Variants in RAB38 observed in about 807,000 individuals in gnomAD.
The protein encoded by RAB38 is RAB38, member RAS oncogene family.
Under a neutral mutation model 18.4 loss-of-function variants are expected in RAB38, and 15 were observed. The ratio of observed to expected loss-of-function variants is 0.82; its 90% confidence interval spans 0.55 to 1.26. RAB38 has a LOEUF of 1.26. Ranked by LOEUF, RAB38 falls within the 50% of genes most tolerant of loss-of-function variation. The pLI is 0.00. For synonymous variants in RAB38, 101 were observed against 104.4 expected, an observed-to-expected ratio of 0.97 and a Z score of 0.20; for missense variants, 294 against 267.4, an observed-to-expected ratio of 1.10 and a Z score of -0.69.
the RAB38 span, among the ~76,000 whole-genome samples, chr11:88,094,246 C>T: frequency 6.6e-6 from 1 of 151,936 alleles, no homozygotes; most frequent in Non-Finnish European, 1.5e-5. Context: ...GATAGATACA[C>T]AGCTACTTTC....
chr11:87,875,570 T>G, the RAB38 span, among the ~76,000 whole-genome samples: 3 of 151,472 alleles, frequency 2.0e-5, no homozygotes, highest in Non-Finnish European at 3.0e-5. Context: ...TGGGGATAAT[T>G]TATATCTTTG....
intron 1 of RAB38, among the ~76,000 whole-genome samples, chr11:88,169,801 T>C (rs1943287264): frequency 6.6e-6 from 1 of 152,176 alleles, no homozygotes; most frequent in South Asian, 2.1e-4. Flanking sequence ...ACCATGAGAG[T>C]GTTCTGAAGT....
the RAB38 span, among the ~76,000 whole-genome samples, chr11:88,003,726 T>TAC: frequency 5.1e-4 from 6 of 11,800 alleles, 2 homozygotes; most frequent in African/African-American, 2.9e-3. Flanking sequence ...ATATAATATA[T>TAC]AATATATTGT....
the RAB38 span, among the ~76,000 whole-genome samples, chr11:87,889,500 A>G: frequency 3.3e-5 from 5 of 151,672 alleles, no homozygotes; most frequent in African/African-American, 1.2e-4. Context: ...ATCAATAATA[A>G]TGATAATAAT....
At chr11:88,131,796 C>T (rs1426207238) in intron 2 of RAB38, among the ~76,000 whole-genome samples, 1 of 152,170 alleles carries the variant, frequency 6.6e-6, no homozygotes. Context: ...ATGAATAGGA[C>T]AGCATAGTCA....
intron 2 of RAB38, among the ~76,000 whole-genome samples, chr11:88,124,505 C>CA (rs1942668391): frequency 6.6e-6 from 1 of 152,052 alleles, no homozygotes; most frequent in Non-Finnish European, 1.5e-5. Context: ...TTTATGCAGC[C>CA]AAAAGACACA....
the RAB38 span, among the ~76,000 whole-genome samples, chr11:88,019,978 T>G: frequency 6.6e-6 from 1 of 152,176 alleles, no homozygotes; most frequent in Non-Finnish European, 1.5e-5. Context: ...GACATACACA[T>G]AGACCAGTGC....
At chr11:88,106,831 C>T in the RAB38 span, among the ~76,000 whole-genome samples, 6 of 152,122 alleles carry the variant, frequency 3.9e-5, no homozygotes, top group African/African-American at 1.2e-4. Flanking sequence ...GGAAATTTTC[C>T]GGTTGCTTGG....
At chr11:88,048,698 A>G in the RAB38 span, among the ~76,000 whole-genome samples, 3 of 152,224 alleles carry the variant, frequency 2.0e-5, no homozygotes, top group East Asian at 5.8e-4. Flanking sequence ...CCATACTTCT[A>G]TTCACTGCTC....
At chr11:88,047,202 T>C in the RAB38 span, among the ~76,000 whole-genome samples, 3 of 152,202 alleles carry the variant, frequency 2.0e-5, no homozygotes, top group African/African-American at 7.2e-5. Flanking sequence ...TCACTCTTTG[T>C]TGAGTCTCCC....
the RAB38 span, among the ~76,000 whole-genome samples, chr11:88,039,886 C>T: frequency 6.6e-6 from 1 of 152,166 alleles, no homozygotes; most frequent in Non-Finnish European, 1.5e-5. Context: ...GTAAAGATGT[C>T]TTTGCTGCAT....
At chr11:88,004,488 G>A in the RAB38 span, among the ~76,000 whole-genome samples, 1 of 150,988 alleles carries the variant, frequency 6.6e-6, no homozygotes. Context: ...TATCATAAAG[G>A]ACAACTATGA....
chr11:88,026,510 C>A, the RAB38 span, among the ~76,000 whole-genome samples: 4 of 143,790 alleles, frequency 2.8e-5, no homozygotes, highest in African/African-American at 5.2e-5. Context: ...TTGCAGTGAG[C>A]CAAGATCGCT....
chr11:88,164,635 T>TG (rs1268021892), intron 1 of RAB38, among the ~76,000 whole-genome samples: 1 of 151,622 alleles, frequency 6.6e-6, no homozygotes, highest in Admixed American at 6.6e-5. Context: ...ATGCGTTCTC[T>TG]TTTTTTTTCT....
chr11:87,825,769 T>C, the RAB38 span, among the ~76,000 whole-genome samples: 1 of 152,076 alleles, frequency 6.6e-6, no homozygotes, highest in Admixed American at 6.6e-5. Context: ...GGAGAGATTA[T>C]TGATTGTATA....
intron 1 of RAB38, chr11:88,173,625 G>C: frequency 1.0e-6 from 1 of 985,372 alleles, no homozygotes; most frequent in Non-Finnish European, 1.2e-6. Flanking sequence ...TAAACAGTAA[G>C]CCGTTTCTAA....
chr11:87,888,390 T>C, the RAB38 span, among the ~76,000 whole-genome samples: 1 of 151,978 alleles, frequency 6.6e-6, no homozygotes, highest in East Asian at 1.9e-4. Flanking sequence ...AAGCATGTGA[T>C]AATGAAAAGA....
the RAB38 span, among the ~76,000 whole-genome samples, chr11:87,854,014 C>G: frequency 1.3e-5 from 2 of 152,104 alleles, no homozygotes; most frequent in Admixed American, 6.6e-5. Context: ...TGACAGGTCT[C>G]GTTCTTCTAT....
intron 2 of RAB38, among the ~76,000 whole-genome samples, chr11:88,130,663 G>A (rs1433345706): frequency 6.6e-6 from 1 of 152,126 alleles, no homozygotes; most frequent in Non-Finnish European, 1.5e-5. Flanking sequence ...TGGTTCCAAA[G>A]TAAAATGGCT....
Sources: allele counts gnomAD v4.1 joint callset (sites outside exome capture counted in the v4.1 genomes callset), GRCh38; gene constraint gnomAD v4.1.1; transcripts MANE v1.5; gene names NCBI Gene and HGNC (gene_info 2026-07-23, HGNC 2026-07-21).